The following LRRTM3 variants were observed in gnomAD, a reference collection of about 807,000 sequenced individuals.
LRRTM3 encodes leucine rich repeat transmembrane neuronal 3.
LRRTM3 carries 24 observed loss-of-function variants against 44.7 expected under a neutral mutation model. That is an observed-to-expected ratio of 0.54 (90% CI 0.39 to 0.76). LRRTM3 has a LOEUF of 0.76. Ranked by LOEUF, LRRTM3 falls within the 30% of genes least tolerant of loss-of-function variation. LRRTM3 has a pLI of 0.00. For missense variants in LRRTM3, 587 were observed against 702.2 expected (o/e 0.84, Z 1.85); for synonymous variants, 277 against 278.7 (o/e 0.99, Z 0.06).
intron 2 of LRRTM3, among the ~76,000 whole-genome samples, chr10:66,935,130 T>C (rs190772054): frequency 3.3e-5 from 5 of 152,250 alleles, no homozygotes; most frequent in African/African-American, 1.2e-4. Flanking sequence ...AGAGCCCTCA[T>C]ATTGACTGTC....
At chr10:66,981,190 C>T (rs1263769653) in intron 2 of LRRTM3, among the ~76,000 whole-genome samples, 1 of 152,216 alleles carries the variant, frequency 6.6e-6, no homozygotes, top group Admixed American at 6.5e-5. Context: ...AGGCGTGAGC[C>T]ACCGCGCCCA....
At chr10:67,083,345 T>C (rs1220698851) in intron 2 of LRRTM3, among the ~76,000 whole-genome samples, 2 of 151,986 alleles carry the variant, frequency 1.3e-5, no homozygotes, top group African/African-American at 4.8e-5. Context: ...ACAGTTCCAA[T>C]CAGTTATTCA....
intron 2 of LRRTM3, among the ~76,000 whole-genome samples, chr10:66,962,449 C>T (rs556367550): frequency 2.1e-4 from 31 of 150,052 alleles, no homozygotes; most frequent in East Asian, 5.9e-4. Flanking sequence ...CTCACTCTGT[C>T]GCTAGGCTGG....
intron 2 of LRRTM3, among the ~76,000 whole-genome samples, chr10:67,066,408 A>G (rs2131833545): frequency 6.6e-6 from 1 of 151,684 alleles, no homozygotes; most frequent in South Asian, 2.1e-4. Context: ...GGCCAGGATG[A>G]TCTCGATCTC....
At chr10:67,008,081 T>G (rs757673506) in intron 2 of LRRTM3, among the ~76,000 whole-genome samples, 72 of 149,934 alleles carry the variant, frequency 4.8e-4, no homozygotes, top group Non-Finnish European at 8.8e-4. Flanking sequence ...TTTTTTCTTG[T>G]TTTTTTTTAA....
intron 2 of LRRTM3, among the ~76,000 whole-genome samples, chr10:66,930,791 A>G (rs1174258592): frequency 6.6e-6 from 1 of 152,174 alleles, no homozygotes; most frequent in Non-Finnish European, 1.5e-5. Flanking sequence ...GCCTAACTTT[A>G]CTAATAAACA....
chr10:66,932,265 T>C (rs1040788354), intron 2 of LRRTM3, among the ~76,000 whole-genome samples: 2 of 152,188 alleles, frequency 1.3e-5, no homozygotes, highest in Admixed American at 6.5e-5. Flanking sequence ...CAAGAGGTTT[T>C]AGGATGCTGT....
At chr10:66,949,877 T>A (rs1472591697) in intron 2 of LRRTM3, among the ~76,000 whole-genome samples, 2 of 152,178 alleles carry the variant, frequency 1.3e-5, no homozygotes, top group Non-Finnish European at 2.9e-5. Context: ...AACTATGAAA[T>A]GGAAAAGCTC....
intron 2 of LRRTM3, among the ~76,000 whole-genome samples, chr10:67,037,599 T>G (rs1229253868): frequency 2.0e-5 from 3 of 152,104 alleles, no homozygotes; most frequent in African/African-American, 4.8e-5. Flanking sequence ...GGAGATGAAT[T>G]AGAAAGCTGT....
At chr10:66,956,695 A>C (rs569651906) in intron 2 of LRRTM3, among the ~76,000 whole-genome samples, 3 of 152,306 alleles carry the variant, frequency 2.0e-5, no homozygotes, top group East Asian at 1.9e-4. Flanking sequence ...AGTAAATCTC[A>C]GTATTCTGAC....
At chr10:66,952,743 C>T (rs1848597185) in intron 2 of LRRTM3, among the ~76,000 whole-genome samples, 1 of 151,864 alleles carries the variant, frequency 6.6e-6, no homozygotes, top group African/African-American at 2.4e-5. Context: ...TATTTACAGC[C>T]AGGGACTCTT....
At chr10:66,985,649 G>A (rs551403688) in intron 2 of LRRTM3, among the ~76,000 whole-genome samples, 66 of 152,220 alleles carry the variant, frequency 4.3e-4, no homozygotes, top group African/African-American at 1.5e-3. Context: ...ACCAGGAAGG[G>A]CAGGTGGAAA....
chr10:67,088,999 A>G lies in LRRTM3; in HGVS notation c.1537-8588A>G, dbSNP rs539704824. On this transcript the variant is annotated intron_variant, in intron 2 of 2. Coordinates refer to ENST00000361320, the MANE Select transcript of LRRTM3 (RefSeq NM_178011.5). ...TAATGACTACTTAGATAGAATATAC[A>G]TTGTATTAGGTATTATGAGTAATCT... Among the ~76,000 whole-genome samples, 8 of 152,184 alleles carry G rather than the reference A, an allele frequency of 5.3e-5. No individual in the cohort carries two copies. The East Asian group carries it at 1.4e-3, about 26-fold the overall frequency.
chr10:67,036,826 G>A (rs1854092145), intron 2 of LRRTM3, among the ~76,000 whole-genome samples: 1 of 151,934 alleles, frequency 6.6e-6, no homozygotes, highest in East Asian at 1.9e-4. Flanking sequence ...CTAACTCTGG[G>A]AAATGAATAT....
chr10:66,978,212 A>G (rs2132862148), intron 2 of LRRTM3, among the ~76,000 whole-genome samples: 1 of 152,140 alleles, frequency 6.6e-6, no homozygotes. Context: ...GCTGCACAAC[A>G]TAGTGCCTAG....
intron 2 of LRRTM3, among the ~76,000 whole-genome samples, chr10:67,096,774 C>T (rs1858019501): frequency 6.6e-6 from 1 of 151,804 alleles, no homozygotes; most frequent in African/African-American, 2.4e-5. Flanking sequence ...CAAGGGAGTC[C>T]CTTCCTCATG....
chr10:66,932,752 GC>G (rs1847478463), intron 2 of LRRTM3, among the ~76,000 whole-genome samples: 1 of 152,082 alleles, frequency 6.6e-6, no homozygotes, highest in African/African-American at 2.4e-5. Flanking sequence ...AATCATAATA[GC>G]CTACAGAATT....
chr10:66,954,332 T>G (rs1235458382), intron 2 of LRRTM3, among the ~76,000 whole-genome samples: 1 of 152,158 alleles, frequency 6.6e-6, no homozygotes, highest in Non-Finnish European at 1.5e-5. Context: ...TAAACTAATT[T>G]AAAAATCAAG....
intron 2 of LRRTM3, among the ~76,000 whole-genome samples, chr10:66,955,978 A>C (rs973584646): frequency 4.6e-5 from 7 of 152,134 alleles, no homozygotes; most frequent in Non-Finnish European, 8.8e-5. Context: ...GCTCTGCCAG[A>C]AAGGGGTGCT....
Sources: allele counts gnomAD v4.1 joint callset (sites outside exome capture counted in the v4.1 genomes callset), GRCh38; gene constraint gnomAD v4.1.1; transcripts MANE v1.5; gene names NCBI Gene and HGNC (gene_info 2026-07-23, HGNC 2026-07-21).